The following ARFGEF3 variants were observed in gnomAD, a reference collection of about 807,000 sequenced individuals.
The protein encoded by ARFGEF3 is ARFGEF family member 3, also known as brefeldin A-inhibited guanine nucleotide-exchange protein 3.
Under a neutral mutation model 221.7 loss-of-function variants are expected in ARFGEF3, and 96 were observed. The ratio of observed to expected loss-of-function variants is 0.43; its 90% CI spans 0.37 to 0.51. ARFGEF3 has a LOEUF of 0.51. ARFGEF3 is among the 20% of genes least tolerant of loss of function. ARFGEF3 has a pLI of 0.00. For synonymous variants in ARFGEF3, 1,145 were observed against 1,126.8 expected, an observed-to-expected ratio of 1.02 and a Z score of -0.32; for missense variants, 2,410 against 2,789.9, an observed-to-expected ratio of 0.86 and a Z score of 3.07.
In ARFGEF3 at chr6:138,338,319, G is replaced by A. The variant is rs1040452379; in HGVS notation, c.*1833G>A. The stretch of plus-strand genomic sequence containing the variant: ...GCTTTTTTTAAATTTTCCAACAGAA[G>A]TAACACCACAGTTGCTTTGTTTCTT... On this transcript the variant is annotated 3_prime_UTR_variant, in exon 34 of 34. Coordinates refer to ENST00000251691, the MANE Select transcript of ARFGEF3 (RefSeq NM_020340.5). 6.6e-6 allele frequency: 1 copy of A among 152,198 alleles called. No homozygotes were observed. Among genetic ancestry groups the A allele is most frequent in the African/African-American group, 2.4e-5 (1 of 41,444 alleles). The allele number at this position is 152,198 out of a possible 1,614,324, so 9.4% of individuals were successfully genotyped here.
At chr6:138,332,602 G>A (rs2114696813) in intron 32 of ARFGEF3, among the ~76,000 whole-genome samples, 1 of 152,220 alleles carries the variant, frequency 6.6e-6, no homozygotes, top group Middle Eastern at 3.4e-3. Flanking sequence ...AGGAGCTGGG[G>A]CTGGGAAAAT....
intron 4 of ARFGEF3, 28 bp downstream of exon 4, chr6:138,210,069 G>C: frequency 6.2e-7 from 1 of 1,609,868 alleles, no homozygotes; most frequent in African/African-American, 1.3e-5. Flanking sequence ...AAGAGTGTGC[G>C]TCACTGGGAC....
At chr6:138,214,515 G>A (rs967787484) in intron 4 of ARFGEF3, among the ~76,000 whole-genome samples, 13 of 152,184 alleles carry the variant, frequency 8.5e-5, no homozygotes, top group Admixed American at 3.9e-4. Flanking sequence ...AGCATAGCAC[G>A]TTGTTATAAC....
intron 5 of ARFGEF3, among the ~76,000 whole-genome samples, chr6:138,238,079 A>G (rs1411922040): frequency 2.0e-5 from 3 of 152,346 alleles, no homozygotes; most frequent in East Asian, 1.9e-4. Context: ...CCCAAGGTCA[A>G]ACTCATTCAT....
intron 2 of ARFGEF3, among the ~76,000 whole-genome samples, chr6:138,189,852 G>A (rs761947994): frequency 2.6e-5 from 4 of 152,116 alleles, no homozygotes; most frequent in Non-Finnish European, 4.4e-5. Context: ...GGCCGAGGAG[G>A]GAGGATCGCT....
chr6:138,163,886 C>T (rs1245820833), intron 1 of ARFGEF3, among the ~76,000 whole-genome samples: 1 of 152,072 alleles, frequency 6.6e-6, no homozygotes, highest in Non-Finnish European at 1.5e-5. Flanking sequence ...GAAAACAAGT[C>T]AAAGAAGGGA....
At chr6:138,288,794 G>T (rs1482874073) in intron 17 of ARFGEF3, among the ~76,000 whole-genome samples, 1 of 151,948 alleles carries the variant, frequency 6.6e-6, no homozygotes, top group Non-Finnish European at 1.5e-5. Flanking sequence ...AGGTTGGCTT[G>T]CTATATTTCT....
At chr6:138,313,409 A>T (rs951414522) in intron 25 of ARFGEF3, among the ~76,000 whole-genome samples, 18 of 152,182 alleles carry the variant, frequency 1.2e-4, no homozygotes, top group African/African-American at 4.3e-4. Context: ...AGAGTCTGGT[A>T]TCTCATTTGC....
intron 12 of ARFGEF3, among the ~76,000 whole-genome samples, chr6:138,278,195 G>A (rs112707808): frequency 1.2e-3 from 187 of 152,320 alleles, no homozygotes; most frequent in African/African-American, 4.4e-3. Flanking sequence ...GGGTTTACAT[G>A]AGTTTATCAA....
chr6:138,197,187 A>G (rs1777444152), intron 2 of ARFGEF3, among the ~76,000 whole-genome samples: 1 of 150,712 alleles, frequency 6.6e-6, no homozygotes, highest in East Asian at 2.0e-4. Flanking sequence ...GGACACAAAC[A>G]CACATTAGCC....
intron 8 of ARFGEF3, among the ~76,000 whole-genome samples, chr6:138,246,474 A>G (rs1183325836): frequency 6.6e-6 from 1 of 152,008 alleles, no homozygotes; most frequent in Non-Finnish European, 1.5e-5. Flanking sequence ...CATTGCAGAA[A>G]CTCATTTTGT....
chr6:138,198,957 A>G (rs960439668), intron 2 of ARFGEF3, among the ~76,000 whole-genome samples: 1 of 152,254 alleles, frequency 6.6e-6, no homozygotes, highest in African/African-American at 2.4e-5. Flanking sequence ...AAATTGGCCT[A>G]GCCTAGGCAT....
intron 2 of ARFGEF3, among the ~76,000 whole-genome samples, chr6:138,196,015 G>GAAA (rs34299963): frequency 6.8e-6 from 1 of 147,678 alleles, no homozygotes; most frequent in Non-Finnish European, 1.5e-5. Context: ...AAAAAGAAAA[G>GAAA]AAAAAAAAAG....
rs1186433727 is a variant in ARFGEF3, at chr6:138,326,470, C to T, written c.5002-1551C>T. Among the ~76,000 whole-genome samples, 3 of 152,194 alleles carry T rather than the reference C, an allele frequency of 2.0e-5. No homozygotes were observed. The East Asian group carries it at 5.8e-4, about 29-fold the overall frequency. ...TTAAAAAGTGGGTAAAGGACTTGAA[C>T]AGACACTTCTCAAAAGAAGACATAC... On this transcript the variant is annotated intron_variant, in intron 31 of 33. Coordinates refer to ENST00000251691, the MANE Select transcript of ARFGEF3 (RefSeq NM_020340.5).
chr6:138,313,670 CAA>C (rs1779869957), intron 25 of ARFGEF3, 123 bp from the exon 26 acceptor site: 3 of 779,112 alleles, frequency 3.9e-6, no homozygotes, highest in South Asian at 3.8e-5. Context: ...CACGAATAAT[CAA>C]ATTTTCAATG....
At chr6:138,222,988 C>T (rs527768896) in intron 4 of ARFGEF3, among the ~76,000 whole-genome samples, 1 of 152,304 alleles carries the variant, frequency 6.6e-6, no homozygotes, top group African/African-American at 2.4e-5. Context: ...CTCCATCCCT[C>T]CCTCACTCCA....
intron 4 of ARFGEF3, among the ~76,000 whole-genome samples, chr6:138,219,866 G>T (rs1281838052): frequency 6.6e-6 from 1 of 152,046 alleles, no homozygotes; most frequent in Non-Finnish European, 1.5e-5. Context: ...AACATTATGG[G>T]CATTCCAAAA....
chr6:138,281,593 G>T (rs961221407), intron 14 of ARFGEF3, among the ~76,000 whole-genome samples: 2 of 152,182 alleles, frequency 1.3e-5, no homozygotes, highest in African/African-American at 2.4e-5. Context: ...GCATTAACTC[G>T]TTTGGGATAA....
intron 1 of ARFGEF3, among the ~76,000 whole-genome samples, chr6:138,167,624 C>T (rs184740300): frequency 6.6e-6 from 1 of 152,338 alleles, no homozygotes; most frequent in Admixed American, 6.5e-5. Flanking sequence ...CACCCAAGCT[C>T]TGCTCATTTT....
Sources: gnomAD v4.1 joint callset for allele counts (sites outside exome capture counted in the v4.1 genomes callset) on GRCh38, gnomAD v4.1.1 for gene constraint, MANE v1.5 for transcripts, NCBI Gene and HGNC (gene_info 2026-07-23, HGNC 2026-07-21) for gene names.